Variants in TAF3 observed in about 807,000 individuals in gnomAD.
TAF3 encodes TATA-box binding protein associated factor 3, also known as transcription initiation factor TFIID subunit 3.
A neutral mutation model predicts 80.6 loss-of-function variants in TAF3; 7 were observed. The observed-to-expected ratio is 0.09, with a 90% CI of 0.05 to 0.16. TAF3 has a LOEUF of 0.16. Ranked by LOEUF, TAF3 falls within the 10% of genes least tolerant of loss-of-function variation. The pLI, the probability that TAF3 is intolerant of heterozygous loss-of-function variation, is 1.00. For missense variants in TAF3, 921 were observed against 1,140.2 expected (o/e 0.81, Z 2.77); for synonymous variants, 444 against 446.1 (o/e 1.00, Z 0.06).
At chr10:7,904,341 T>C (rs535158810) in intron 2 of TAF3, among the ~76,000 whole-genome samples, 1 of 152,314 alleles carries the variant, frequency 6.6e-6, no homozygotes, top group South Asian at 2.1e-4. Context: ...TTATGCTTTG[T>C]AGCCCTAATA....
chr10:7,971,138 T>C (rs1208415149), intron 3 of TAF3, among the ~76,000 whole-genome samples: 1 of 152,180 alleles, frequency 6.6e-6, no homozygotes, highest in East Asian at 1.9e-4. Context: ...TCATATTCTG[T>C]CTCAGCTGTC....
In TAF3 at chr10:7,901,362, C is replaced by T. The variant is rs150491686; in HGVS notation, c.410-62558C>T. Reference sequence around the variant, plus strand: ...ACCCACAGGGTGCATGTTGGTCACTCTTTAAAATTCTTATAAAAACAAAGA... The same window carrying T: ...ACCCACAGGGTGCATGTTGGTCACTTTTTAAAATTCTTATAAAAACAAAGA... On this transcript the variant is annotated intron_variant, in intron 2 of 6. Transcript: ENST00000344293. 2.0e-5 allele frequency among the ~76,000 whole-genome samples: 3 copies of T among 152,290 alleles called. No individual in the cohort carries two copies. The East Asian group carries it at 5.8e-4, about 29-fold the overall frequency.
At chr10:7,833,276 C>T (rs183863811) in intron 2 of TAF3, among the ~76,000 whole-genome samples, 2 of 152,284 alleles carry the variant, frequency 1.3e-5, no homozygotes, top group African/African-American at 4.8e-5. Flanking sequence ...TTGGAGGAAA[C>T]TCCACATAGT....
intron 2 of TAF3, among the ~76,000 whole-genome samples, chr10:7,920,600 G>T (rs992782999): frequency 2.0e-5 from 3 of 152,030 alleles, no homozygotes; most frequent in Non-Finnish European, 4.4e-5. Flanking sequence ...AGTTTCTAAA[G>T]AACAAATCTG....
At chr10:7,834,389 A>G (rs1836830606) in intron 2 of TAF3, among the ~76,000 whole-genome samples, 1 of 152,020 alleles carries the variant, frequency 6.6e-6, no homozygotes. Flanking sequence ...GTGGTATGAG[A>G]TAAGGATCCA....
intron 1 of TAF3, among the ~76,000 whole-genome samples, chr10:7,823,050 T>G (rs1250017658): frequency 3.3e-5 from 5 of 152,016 alleles, no homozygotes; most frequent in Non-Finnish European, 7.4e-5. Context: ...GAAGGTAAGG[T>G]TGCAGTGAGC....
intron 2 of TAF3, among the ~76,000 whole-genome samples, chr10:7,828,627 G>A (rs1344213112): frequency 6.6e-6 from 1 of 151,486 alleles, no homozygotes; most frequent in African/African-American, 2.4e-5. Context: ...TCTGAAAATA[G>A]TACAGCGTAC....
At chr10:7,951,949 C>G (rs1817462595) in intron 2 of TAF3, among the ~76,000 whole-genome samples, 1 of 152,100 alleles carries the variant, frequency 6.6e-6, no homozygotes, top group African/African-American at 2.4e-5. Context: ...GCTAATTTGC[C>G]TAATTTGTCT....
Position 8,013,754 on chromosome 10 carries a change from G to A in TAF3, c.2592G>A (p.Gln864=), listed in dbSNP as rs1196046544. Residue 864 remains glutamine (Q), a synonymous_variant, in exon 6 of 7, where the codon CAG becomes CAA. Transcript: ENST00000344293. ...TYVIRDEWGN[Q]IWICPGCNKP... is the part of the protein sequence containing the mutation. ...AGATCCGAGATGAGTGGGGCAATCA[G>A]ATCTGGATCTGCCCTGGGTGTAACA... 3 of 1,614,104 alleles carry A rather than the reference G, an allele frequency of 1.9e-6. No individual in the cohort carries two copies. In the East Asian group the frequency reaches 6.7e-5, roughly 36 times the overall value.
chr10:7,947,503 C>T (rs1838037238), intron 2 of TAF3, among the ~76,000 whole-genome samples: 12 of 152,162 alleles, frequency 7.9e-5, no homozygotes, highest in Admixed American at 7.9e-4. Context: ...AAGAAAGCTA[C>T]TGGGAGGCGA....
At chr10:8,010,680 A>G (rs996658558) in intron 5 of TAF3, among the ~76,000 whole-genome samples, 3 of 152,160 alleles carry the variant, frequency 2.0e-5, no homozygotes, top group African/African-American at 7.2e-5. Context: ...GCTGAGGCAG[A>G]TGGATCACTT....
Position 7,964,558 on chromosome 10 carries a change from G to GA in TAF3, c.1054dup (p.Ile352AsnfsTer3). 1 of 1,613,874 alleles carries GA rather than the reference G, an allele frequency of 6.2e-7. No individual in the cohort carries two copies. The highest frequency in any genetic ancestry group is 8.5e-7 in the Non-Finnish European group (1 of 1,179,942). ...CAGGACTCCTTCAGCTACACTCAGT[G>GA]AAAAAATCAGTAAAGAGACTATCCA... On this transcript the variant is annotated frameshift_variant, in exon 3 of 7. Coordinates refer to ENST00000344293, the MANE Select transcript of TAF3 (RefSeq NM_031923.4). LOFTEE classifies it high-confidence loss of function. The surrounding 1 kb of genome is among the most constrained non-coding windows in gnomAD (Gnocchi z 4.1).
chr10:7,913,585 A>G (rs1837677794), intron 2 of TAF3, among the ~76,000 whole-genome samples: 1 of 152,222 alleles, frequency 6.6e-6, no homozygotes, highest in Non-Finnish European at 1.5e-5. Context: ...ACCTATCTGT[A>G]TAAACTTGTG....
At chr10:7,842,153 TTTTTTTTTTTG>T (rs1836922241) in intron 2 of TAF3, among the ~76,000 whole-genome samples, 1 of 115,120 alleles carries the variant, frequency 8.7e-6, no homozygotes, top group Non-Finnish European at 1.8e-5. Flanking sequence ...TTAATATTGT[TTTTTTTTTTTG>T]TTTTTTTTTT....
intron 2 of TAF3, among the ~76,000 whole-genome samples, chr10:7,890,133 C>T (rs552283713): frequency 2.6e-5 from 4 of 152,322 alleles, no homozygotes; most frequent in South Asian, 2.1e-4. Flanking sequence ...TCAGTCACTT[C>T]GCTGGGACTT....
intron 4 of TAF3, among the ~76,000 whole-genome samples, chr10:8,004,937 T>G (rs532765321): frequency 6.6e-6 from 1 of 152,328 alleles, no homozygotes; most frequent in East Asian, 1.9e-4. Context: ...TGTATTCTCT[T>G]TGCTTCTTAG....
chr10:7,960,102 T>C (rs771624761), intron 2 of TAF3, among the ~76,000 whole-genome samples: 5 of 152,234 alleles, frequency 3.3e-5, no homozygotes, highest in Non-Finnish European at 7.3e-5. Context: ...GCCAAACCTT[T>C]ATCATTCTGT....
At chr10:7,869,119 TA>T (rs1235511954) in intron 2 of TAF3, among the ~76,000 whole-genome samples, 4 of 152,278 alleles carry the variant, frequency 2.6e-5, no homozygotes, top group South Asian at 2.1e-4. Context: ...ATTTTAAAAA[TA>T]AAAAATATTC....
At chr10:7,996,842 ATTT>A (rs34866346) in intron 4 of TAF3, among the ~76,000 whole-genome samples, 1 of 131,922 alleles carries the variant, frequency 7.6e-6, no homozygotes, top group Admixed American at 7.7e-5. Flanking sequence ...ACCACACTCT[ATTT>A]TTTTTTTTTT....
Sources: allele counts gnomAD v4.1 joint callset (sites outside exome capture counted in the v4.1 genomes callset), GRCh38; gene constraint gnomAD v4.1.1; non-coding constraint Gnocchi (gnomAD v3.1); transcripts MANE v1.5; gene names NCBI Gene and HGNC (gene_info 2026-07-23, HGNC 2026-07-21).